Variants in LMBR1 observed in about 807,000 individuals in gnomAD.
The protein encoded by LMBR1 is limb development membrane protein 1.
A neutral mutation model predicts 73.9 loss-of-function variants in LMBR1; 52 were observed. The observed-to-expected ratio is 0.70, with a 90% CI of 0.56 to 0.89. The LOEUF is 0.89. Among genes scored for constraint, LMBR1 ranks in the 40% least tolerant of loss-of-function variants. The pLI, the probability that LMBR1 is intolerant of heterozygous loss-of-function variation, is 0.00. For synonymous variants in LMBR1, 215 were observed against 209.4 expected (o/e 1.03, Z -0.23); for missense variants, 539 against 579.8 (o/e 0.93, Z 0.72).
At position 156,837,203 on chromosome 7, in the gene LMBR1, G is replaced by A. The variant is rs568418176; in HGVS notation, c.67-318C>T. 7.3e-5 allele frequency among the ~76,000 whole-genome samples: 11 copies of A among 151,514 alleles called. No individual in the cohort carries two copies. The South Asian group carries it at 1.5e-3, about 20-fold the overall frequency. On this transcript the variant is annotated intron_variant, in intron 1 of 16. Coordinates refer to ENST00000353442, the MANE Select transcript of LMBR1 (RefSeq NM_022458.4). ...AAAAATATTAGCAGGGCATGGTGGC[G>A]GTGCACCTGCAATCCCAGCTACTCG...
chr7:156,676,359 G>A (rs1391815249), downstream of LMBR1: 3 of 1,613,596 alleles, frequency 1.9e-6, no homozygotes, highest in African/African-American at 4.0e-5. Flanking sequence ...TTCAGTTTAA[G>A]TAACTTTCTG....
intron 1 of LMBR1, among the ~76,000 whole-genome samples, chr7:156,844,345 T>C (rs1034874687): frequency 2.6e-5 from 4 of 151,912 alleles, no homozygotes; most frequent in African/African-American, 9.7e-5. Flanking sequence ...AGCTACACAC[T>C]ATGAAAATAA....
At chr7:156,794,850 G>C (rs939064786) in intron 5 of LMBR1, among the ~76,000 whole-genome samples, 1 of 152,056 alleles carries the variant, frequency 6.6e-6, no homozygotes, top group Non-Finnish European at 1.5e-5. Flanking sequence ...GCACTGTGTG[G>C]GGCATGTACT....
At chr7:156,747,062 G>T (rs1819975577) in intron 9 of LMBR1, among the ~76,000 whole-genome samples, 1 of 152,090 alleles carries the variant, frequency 6.6e-6, no homozygotes, top group African/African-American at 2.4e-5. Flanking sequence ...TTTTCTTCCA[G>T]CCCCAACATA....
At chr7:156,673,164 AC>A (rs1428960367), downstream of LMBR1, among the ~76,000 whole-genome samples, 5 of 152,328 alleles carry the variant, frequency 3.3e-5, no homozygotes, top group African/African-American at 1.2e-4. Flanking sequence ...CTCAGAACAT[AC>A]CTCACAAGTT....
intron 1 of LMBR1, among the ~76,000 whole-genome samples, chr7:156,877,749 G>A (rs1469387150): frequency 1.3e-5 from 2 of 152,068 alleles, no homozygotes; most frequent in Middle Eastern, 3.2e-3. Context: ...TGGGCGCGGT[G>A]GCAGGCGCCT....
Position 156,682,236 on chromosome 7 carries a change from A to C in LMBR1, c.*1842T>G, listed in dbSNP as rs1333669115. On this transcript the variant is annotated 3_prime_UTR_variant, in exon 17 of 17. Coordinates refer to ENST00000353442, the MANE Select transcript of LMBR1 (RefSeq NM_022458.4). Reference sequence around the variant, plus strand: ...TGAAAAGTTTAGTATTTTACTTAAAAATTTTCAGACATTTTCCAAGTATCT... The same window carrying C: ...TGAAAAGTTTAGTATTTTACTTAAACATTTTCAGACATTTTCCAAGTATCT... 6.6e-6 allele frequency: 1 copy of C among 152,204 alleles called. No homozygotes were observed. Among genetic ancestry groups the C allele is most frequent in the East Asian group, 1.9e-4 (1 of 5,194 alleles). 9.4% of individuals were successfully genotyped at this position (152,204 alleles called of 1,614,324 possible). A position where few individuals can be genotyped will look rare whatever the true frequency, so the allele number is the denominator to read the frequency against.
In LMBR1 at chr7:156,682,523, T is replaced by C. The variant is rs1239481620; in HGVS notation, c.*1555A>G. 6.6e-6 allele frequency: 1 copy of C among 152,232 alleles called. No individual in the cohort carries two copies. Among genetic ancestry groups the C allele is most frequent in the Admixed American group, 6.5e-5 (1 of 15,280 alleles). The allele number at this position is 152,232 out of a possible 1,614,324, so 9.4% of individuals were successfully genotyped here. A position where few individuals can be genotyped will look rare whatever the true frequency, so the allele number is the denominator to read the frequency against. ...TATACTGGTGGTATTTACTGAAGCT[T>C]GTTTAGAATCACAAAATGAATGTTC... On this transcript the variant is annotated 3_prime_UTR_variant, in exon 17 of 17. Coordinates refer to ENST00000353442, the MANE Select transcript of LMBR1 (RefSeq NM_022458.4).
At chr7:156,767,739 A>C (rs1824368462) in intron 5 of LMBR1, among the ~76,000 whole-genome samples, 1 of 152,032 alleles carries the variant, frequency 6.6e-6, no homozygotes, top group Admixed American at 6.5e-5. Context: ...TATAAACATA[A>C]CAAAATATAT....
intron 5 of LMBR1, among the ~76,000 whole-genome samples, chr7:156,769,875 G>C (rs1309260442): frequency 1.3e-5 from 2 of 152,140 alleles, no homozygotes; most frequent in Non-Finnish European, 2.9e-5. Flanking sequence ...CCTCAAGTTT[G>C]CTCAGAAGAA....
chr7:156,843,645 A>G (rs1240802783), intron 1 of LMBR1, among the ~76,000 whole-genome samples: 2 of 152,064 alleles, frequency 1.3e-5, no homozygotes, highest in Admixed American at 1.3e-4. Context: ...CAGGAGTTCA[A>G]CACCAGCCTG....
chr7:156,706,158 T>TAA lies in LMBR1; in HGVS notation c.1225+17952_1225+17953dup, dbSNP rs35109142. On this transcript the variant is annotated intron_variant, in intron 15 of 16. Coordinates refer to ENST00000353442, the MANE Select transcript of LMBR1 (RefSeq NM_022458.4). ...AAACAGACTTTAAATCAAAAACAGT[T>TAA]AAAAAAAAAAAAAGACAACAAAGGT... Among the ~76,000 whole-genome samples, 15 of 133,480 alleles carry TAA rather than the reference T, an allele frequency of 1.1e-4. 1 individual carries two copies. The highest frequency in any genetic ancestry group is 9.6e-4 in the South Asian group (4 of 4,186). 87.6% of individuals were successfully genotyped at this position (133,480 alleles called of 152,430 possible).
chr7:156,746,986 A>C (rs554265659), intron 9 of LMBR1, among the ~76,000 whole-genome samples: 28 of 152,166 alleles, frequency 1.8e-4, no homozygotes, highest in Non-Finnish European at 3.7e-4. Context: ...ACAAGAAATA[A>C]AAAGGGATTC....
intron 5 of LMBR1, among the ~76,000 whole-genome samples, chr7:156,765,101 C>T (rs1174727301): frequency 6.6e-6 from 1 of 152,218 alleles, no homozygotes; most frequent in Non-Finnish European, 1.5e-5. Context: ...TGTGAATAGT[C>T]ACAAAACACA....
chr7:156,804,215 CTT>C (rs1008215291), intron 4 of LMBR1, among the ~76,000 whole-genome samples: 8 of 152,166 alleles, frequency 5.3e-5, no homozygotes, highest in African/African-American at 1.9e-4. Context: ...GATATATACT[CTT>C]GTTTTTGTCT....
Position 156,679,821 on chromosome 7 carries a change from G to A in LMBR1, c.*4257C>T, listed in dbSNP as rs1804697458. On this transcript the variant is annotated 3_prime_UTR_variant, in exon 17 of 17. Transcript: ENST00000353442. ...TGTACCACCTTTAGAAGTAACAGCA[G>A]AACACCAAATCCATATCCAAGAATA... 2 of 152,130 alleles carry A rather than the reference G, an allele frequency of 1.3e-5. No homozygotes were observed. Among genetic ancestry groups the A allele is most frequent in the South Asian group, 4.1e-4 (2 of 4,824 alleles). 9.4% of individuals were successfully genotyped at this position (152,130 alleles called of 1,614,324 possible).
At chr7:156,798,141 CA>C (rs2133396341) in intron 4 of LMBR1, among the ~76,000 whole-genome samples, 1 of 152,302 alleles carries the variant, frequency 6.6e-6, no homozygotes, top group South Asian at 2.1e-4. Flanking sequence ...TTCTATGTGA[CA>C]ACATTGCTAA....
intron 4 of LMBR1, among the ~76,000 whole-genome samples, chr7:156,821,721 T>C (rs542461792): frequency 1.3e-5 from 2 of 152,304 alleles, no homozygotes; most frequent in African/African-American, 4.8e-5. Flanking sequence ...CAGAGGAAGA[T>C]TTTAATAATT....
At chr7:156,886,122 G>A (rs900196650) in intron 1 of LMBR1, among the ~76,000 whole-genome samples, 11 of 151,902 alleles carry the variant, frequency 7.2e-5, no homozygotes, top group East Asian at 3.9e-4. Context: ...ACAGTAAGCC[G>A]TGTTTGTGCC....
Sources: allele counts gnomAD v4.1 joint callset (sites outside exome capture counted in the v4.1 genomes callset), GRCh38; gene constraint gnomAD v4.1.1; transcripts MANE v1.5; gene names NCBI Gene and HGNC (gene_info 2026-07-23, HGNC 2026-07-21).